The following ACSS3 variants were observed in gnomAD, a reference collection of about 807,000 sequenced individuals.
ACSS3 encodes acyl-CoA synthetase short-chain family member 3, mitochondrial.
In ACSS3, 64 loss-of-function variants were observed where a neutral mutation model predicts 84.2. The ratio of observed to expected loss-of-function variants is 0.76; its 90% CI spans 0.62 to 0.94. The LOEUF is 0.94. Ranked by LOEUF, ACSS3 falls within the 40% of genes least tolerant of loss-of-function variation. The pLI is 0.00. For missense variants in ACSS3, 815 were observed against 867.6 expected (o/e 0.94, Z 0.76); for synonymous variants, 317 against 310.1 (o/e 1.02, Z -0.23).
chr12:81,123,220 G>C (rs556190301), intron 2 of ACSS3, among the ~76,000 whole-genome samples: 23 of 152,216 alleles, frequency 1.5e-4, no homozygotes, highest in African/African-American at 5.5e-4. Context: ...TGGAGGGAAA[G>C]GGGCAATCAT....
At chr12:81,184,532 CTT>C (rs2031138731) in intron 8 of ACSS3, among the ~76,000 whole-genome samples, 1 of 151,462 alleles carries the variant, frequency 6.6e-6, no homozygotes, top group Non-Finnish European at 1.5e-5. Context: ...TTTACAAACT[CTT>C]AATGAAAAGA....
intron 13 of ACSS3, among the ~76,000 whole-genome samples, chr12:81,249,139 T>G (rs1274699463): frequency 1.3e-5 from 2 of 152,032 alleles, no homozygotes; most frequent in Non-Finnish European, 2.9e-5. Context: ...GAGCTAGACA[T>G]TTAGGAAACT....
chr12:81,165,520 C>A (rs1384853551), intron 7 of ACSS3, among the ~76,000 whole-genome samples: 1 of 152,072 alleles, frequency 6.6e-6, no homozygotes, highest in African/African-American at 2.4e-5. Flanking sequence ...GTGGTGGGCA[C>A]CTGTAGTCCC....
intron 1 of ACSS3, among the ~76,000 whole-genome samples, chr12:81,091,622 T>C (rs1881673702): frequency 6.6e-6 from 1 of 152,002 alleles, no homozygotes; most frequent in Admixed American, 6.6e-5. Flanking sequence ...TATAAAAATA[T>C]TAATTTTCAA....
chr12:81,101,325 A>C (rs1391861065), intron 1 of ACSS3, among the ~76,000 whole-genome samples: 1 of 152,178 alleles, frequency 6.6e-6, no homozygotes, highest in African/African-American at 2.4e-5. Flanking sequence ...TATTTAAAAA[A>C]ATTTAAATCA....
At chr12:81,184,122 G>A (rs1041684530) in intron 8 of ACSS3, among the ~76,000 whole-genome samples, 1 of 152,052 alleles carries the variant, frequency 6.6e-6, no homozygotes, top group African/African-American at 2.4e-5. Flanking sequence ...GAAACTATAA[G>A]TTAATAACTG....
chr12:81,109,501 T>C, intron 1 of ACSS3, 59 bp from the exon 2 acceptor site: 1 of 1,553,684 alleles, frequency 6.4e-7, no homozygotes, highest in Non-Finnish European at 8.7e-7. Flanking sequence ...AATAACTTCA[T>C]TAAGTGACAA....
intron 7 of ACSS3, 34 bp downstream of exon 7, chr12:81,152,130 A>G (rs773537373): frequency 1.9e-6 from 3 of 1,542,936 alleles, no homozygotes; most frequent in Non-Finnish European, 2.7e-6. Flanking sequence ...CATATAAATG[A>G]TATTTATTTT....
chr12:81,104,105 A>T (rs943324141), intron 1 of ACSS3, among the ~76,000 whole-genome samples: 2 of 152,218 alleles, frequency 1.3e-5, no homozygotes, highest in African/African-American at 4.8e-5. Context: ...GTTGTATATC[A>T]AACACACATA....
Position 81,255,004 on chromosome 12 carries a change from T to C in ACSS3, c.*82T>C. 4 of 1,257,238 alleles carry C rather than the reference T, an allele frequency of 3.2e-6. 1 individual carries two copies. The South Asian group carries it at 6.0e-5, about 19-fold the overall frequency. The allele number at this position is 1,257,238 out of a possible 1,614,324, so 77.9% of individuals were successfully genotyped here. ...ATTTGAGTTGTTTCTCAGAAATAAA[T>C]ATTTCAGTAGAAATTACTTGCAAAA... On this transcript the variant is annotated 3_prime_UTR_variant, in exon 16 of 16. Transcript: ENST00000548058.
chr12:81,248,843 A>G (rs1422956528), intron 13 of ACSS3, among the ~76,000 whole-genome samples: 2 of 152,004 alleles, frequency 1.3e-5, no homozygotes, highest in Non-Finnish European at 2.9e-5. Context: ...AAATATTTGT[A>G]CCAATAAATT....
intron 1 of ACSS3, among the ~76,000 whole-genome samples, chr12:81,083,948 A>C (rs1593016418): frequency 6.6e-6 from 1 of 152,006 alleles, no homozygotes; most frequent in Non-Finnish European, 1.5e-5. Context: ...ACAGAGTGAG[A>C]CTCTGTCTCA....
At chr12:81,134,103 C>T (rs956030088) in intron 2 of ACSS3, among the ~76,000 whole-genome samples, 1 of 151,034 alleles carries the variant, frequency 6.6e-6, no homozygotes, top group South Asian at 2.1e-4. Context: ...TATGTTGTAT[C>T]CAAATACAGA....
At chr12:81,086,044 T>C (rs906958938) in intron 1 of ACSS3, among the ~76,000 whole-genome samples, 5 of 152,178 alleles carry the variant, frequency 3.3e-5, no homozygotes, top group African/African-American at 4.8e-5. Flanking sequence ...AGCAATTTAA[T>C]CCCCCTATTG....
At chr12:81,102,039 G>GCA (rs1254090596) in intron 1 of ACSS3, among the ~76,000 whole-genome samples, 22 of 46,502 alleles carry the variant, frequency 4.7e-4, no homozygotes, top group Admixed American at 1.4e-3. Context: ...TCTATTTTAT[G>GCA]CACACGCACA....
rs142377880 is a variant in ACSS3, at chr12:81,220,051, C to T, written c.1489C>T (p.Arg497Trp). 107 of 1,536,308 alleles carry T rather than the reference C, an allele frequency of 7.0e-5. No individual in the cohort carries two copies. The highest frequency in any genetic ancestry group is 1.2e-4 in the Admixed American group (6 of 51,930). Reference sequence around the variant, plus strand: ...TGACAACATGCAAAAACTGAAGGCTCGGTGTTTAGGAAATATTGTGGTAAA... The same window carrying T: ...TGACAACATGCAAAAACTGAAGGCTTGGTGTTTAGGAAATATTGTGGTAAA... ...LDDNMQKLKA[R>W]CLGNIVVKLP... Residue 497 changes from arginine (R) to tryptophan (W), a missense_variant, in exon 11 of 16, where the codon CGG becomes TGG. Arg to Trp is a moderately radical substitution (Grantham distance 101). Coordinates refer to ENST00000548058, the MANE Select transcript of ACSS3 (RefSeq NM_024560.4).
intron 9 of ACSS3, among the ~76,000 whole-genome samples, chr12:81,202,896 C>G (rs1452749449): frequency 1.3e-5 from 2 of 152,094 alleles, no homozygotes; most frequent in Non-Finnish European, 2.9e-5. Context: ...TCGGGGTTCT[C>G]CAGAGAGACA....
chr12:81,150,243 A>C (rs1475871118), intron 5 of ACSS3, among the ~76,000 whole-genome samples: 3 of 152,222 alleles, frequency 2.0e-5, no homozygotes, highest in Non-Finnish European at 4.4e-5. Flanking sequence ...GATGGAGAGA[A>C]AATTTTAAAA....
In ACSS3 at chr12:81,255,940, C is replaced by G. The variant is rs907753659; in HGVS notation, c.*1018C>G. On this transcript the variant is annotated 3_prime_UTR_variant, in exon 16 of 16. Coordinates refer to ENST00000548058, the MANE Select transcript of ACSS3 (RefSeq NM_024560.4). ...GTTGACTATGTTTATCCAAATGATT[C>G]CAGATTCCTGTGGAAACAAGGAATC... The G allele has an allele frequency of 6.6e-6, 1 of 152,152 alleles. No individual in the cohort carries two copies. The highest frequency in any genetic ancestry group is 2.4e-5 in the African/African-American group (1 of 41,426). The allele number at this position is 152,152 out of a possible 1,614,324, so 9.4% of individuals were successfully genotyped here.
Sources: gnomAD v4.1 joint callset for allele counts (sites outside exome capture counted in the v4.1 genomes callset) on GRCh38, gnomAD v4.1.1 for gene constraint, MANE v1.5 for transcripts, NCBI Gene and HGNC (gene_info 2026-07-23, HGNC 2026-07-21) for gene names.